ACBD6: variants seen among roughly 807,000 people sequenced by gnomAD.
The protein encoded by ACBD6 is acyl-CoA-binding domain-containing protein 6.
Under a neutral mutation model 37.2 loss-of-function variants are expected in ACBD6, and 28 were observed. The ratio of observed to expected loss-of-function variants is 0.75; its 90% CI spans 0.56 to 1.03. The LOEUF is 1.03. ACBD6 is among the 50% of genes least tolerant of loss of function. The probability of loss-of-function intolerance (pLI) is 0.00; values close to 1 mark genes in which losing one functional copy is unlikely to be tolerated. For synonymous variants in ACBD6, 113 were observed against 126.8 expected, an observed-to-expected ratio of 0.89 and a Z score of 0.73; for missense variants, 340 against 337.4, an observed-to-expected ratio of 1.01 and a Z score of -0.06.
In ACBD6 at chr1:180,288,372, G is replaced by A. The variant is rs746022689; in HGVS notation, c.840C>T (p.Gly280=). The A allele has an allele frequency of 3.1e-6, 5 of 1,613,582 alleles. No individual in the cohort carries two copies. In the East Asian group the frequency reaches 8.9e-5, roughly 29 times the overall value. Reference sequence around the variant, plus strand: ...TTTTCCAGTCTTTTGATTAAGCCTTGCCAGTTGTGTGCCGCTGCAGCACCA... The same window carrying A: ...TTTTCCAGTCTTTTGATTAAGCCTTACCAGTTGTGTGCCGCTGCAGCACCA... ...VSLVLQRHTT[G]KA The change falls in exon 8 of 8, where the codon GGC becomes GGT. Residue 280 remains glycine (G), a synonymous_variant. Coordinates refer to ENST00000367595, the MANE Select transcript of ACBD6 (RefSeq NM_032360.4).
At chr1:180,457,960 A>T (rs73048237) in intron 3 of ACBD6, among the ~76,000 whole-genome samples, 17,010 of 151,748 alleles carry the variant, frequency 0.11, 1,421 homozygotes, top group African/African-American at 0.23. Flanking sequence ...ACCCAGCTAA[A>T]TTTTGTATTT....
chr1:180,424,206 G>A (rs1361068740), intron 4 of ACBD6, among the ~76,000 whole-genome samples: 2 of 151,914 alleles, frequency 1.3e-5, no homozygotes, highest in African/African-American at 4.8e-5. Context: ...TAACTTCTCT[G>A]AATTTCAGTT....
intron 3 of ACBD6, among the ~76,000 whole-genome samples, chr1:180,475,292 C>T (rs1650735212): frequency 6.6e-6 from 1 of 152,138 alleles, no homozygotes; most frequent in African/African-American, 2.4e-5. Context: ...TTCCTTGTGT[C>T]CCTTTTGTAA....
At chr1:180,476,009 T>A (rs1293146548) in intron 3 of ACBD6, among the ~76,000 whole-genome samples, 26 of 152,194 alleles carry the variant, frequency 1.7e-4, no homozygotes. Context: ...AACTGGAAGA[T>A]AACATTTATC....
chr1:180,354,300 A>G (rs1317253427), intron 6 of ACBD6, among the ~76,000 whole-genome samples: 1 of 152,186 alleles, frequency 6.6e-6, no homozygotes, highest in African/African-American at 2.4e-5. Flanking sequence ...TTAACCCTCT[A>G]TTTACCCTGA....
intron 6 of ACBD6, among the ~76,000 whole-genome samples, chr1:180,329,048 C>T (rs1411521837): frequency 1.3e-5 from 2 of 152,122 alleles, no homozygotes; most frequent in Non-Finnish European, 2.9e-5. Context: ...TAAACTTTTG[C>T]ATATAATTAT....
rs1431034030 is a variant in ACBD6, at chr1:180,470,510, G to A, written c.384+21759C>T. Among the ~76,000 whole-genome samples the A allele has an allele frequency of 3.9e-5, 6 of 152,154 alleles. No individual in the cohort carries two copies. The East Asian group carries it at 1.2e-3, about 29-fold the overall frequency. ...TGTTTAACTGCAAAAGCACTACTTA[G>A]AATAGCAATGAACTGAGTTATTTAA... is the stretch of plus-strand genomic sequence containing the variant. On this transcript the variant is annotated intron_variant, in intron 3 of 7. Transcript: ENST00000367595.
intron 3 of ACBD6, among the ~76,000 whole-genome samples, chr1:180,443,423 T>A (rs1185778206): frequency 6.6e-6 from 1 of 152,170 alleles, no homozygotes; most frequent in African/African-American, 2.4e-5. Flanking sequence ...AGATCAGTAT[T>A]CAGCCAAAGG....
chr1:180,322,739 CTCT>C (rs996239634), intron 6 of ACBD6, among the ~76,000 whole-genome samples: 1 of 148,132 alleles, frequency 6.8e-6, no homozygotes, highest in African/African-American at 2.5e-5. Flanking sequence ...TTTGGGTCTT[CTCT>C]TTTTTTTTTT....
chr1:180,393,963 G>C (rs751773574), intron 6 of ACBD6, among the ~76,000 whole-genome samples: 27 of 152,156 alleles, frequency 1.8e-4, no homozygotes, highest in Non-Finnish European at 5.9e-5. Context: ...ATAGTTTTTG[G>C]ATTGTTTGTC....
exon 14 of ACBD6, chr1:180,271,862 G>A: frequency 6.2e-7 from 1 of 1,613,850 alleles, no homozygotes; most frequent in Non-Finnish European, 8.5e-7. Context: ...AAGGGCCAAA[G>A]AGAAACGCCT....
At chr1:180,459,776 T>A (rs1291366756) in intron 3 of ACBD6, among the ~76,000 whole-genome samples, 5 of 152,142 alleles carry the variant, frequency 3.3e-5, no homozygotes, top group Non-Finnish European at 7.3e-5. Flanking sequence ...GGGAAAAGAT[T>A]GTTACACATC....
chr1:180,270,424 C>T (rs1277486678), exon 14 of ACBD6: 1 of 152,238 alleles, frequency 6.6e-6, no homozygotes, highest in African/African-American at 2.4e-5. Flanking sequence ...TCCAGGGGCA[C>T]TGTGGAGAAA....
At chr1:180,428,029 A>C (rs956373421) in intron 4 of ACBD6, among the ~76,000 whole-genome samples, 1 of 152,084 alleles carries the variant, frequency 6.6e-6, no homozygotes, top group African/African-American at 2.4e-5. Flanking sequence ...CAAGAGTATG[A>C]TTAGTTGCTG....
At chr1:180,475,721 T>C (rs761230894) in intron 3 of ACBD6, among the ~76,000 whole-genome samples, 1 of 152,170 alleles carries the variant, frequency 6.6e-6, no homozygotes, top group Non-Finnish European at 1.5e-5. Context: ...TTCCATTCTG[T>C]AGATACACCA....
chr1:180,384,070 G>C (rs1653756343), intron 6 of ACBD6, among the ~76,000 whole-genome samples: 1 of 151,230 alleles, frequency 6.6e-6, no homozygotes, highest in Non-Finnish European at 1.5e-5. Context: ...AAAACTACTA[G>C]ATGAAAACAT....
At chr1:180,395,001 AAATAT>A (rs761883773) in intron 6 of ACBD6, among the ~76,000 whole-genome samples, 4 of 152,220 alleles carry the variant, frequency 2.6e-5, no homozygotes, top group Admixed American at 6.5e-5. Flanking sequence ...GCTATATTAA[AAATAT>A]AATATACCAT....
At chr1:180,379,723 G>A (rs1385377874) in intron 6 of ACBD6, among the ~76,000 whole-genome samples, 1 of 151,854 alleles carries the variant, frequency 6.6e-6, no homozygotes, top group Non-Finnish European at 1.5e-5. Context: ...AAAGAAAAGA[G>A]AACAAAAAAA....
At chr1:180,383,328 A>C (rs888521841) in intron 6 of ACBD6, among the ~76,000 whole-genome samples, 3 of 152,212 alleles carry the variant, frequency 2.0e-5, no homozygotes. Context: ...GATCTAATAA[A>C]CAAATTCAGT....
Sources: gnomAD v4.1 joint callset for allele counts (sites outside exome capture counted in the v4.1 genomes callset) on GRCh38, gnomAD v4.1.1 for gene constraint, MANE v1.5 for transcripts, NCBI Gene and HGNC (gene_info 2026-07-23, HGNC 2026-07-21) for gene names.